NAV2: variants seen among roughly 807,000 people sequenced by gnomAD.
The protein encoded by NAV2 is helicase, APC down-regulated 1.
NAV2 carries 54 observed loss-of-function variants against 223.2 expected under a neutral mutation model. That is an observed-to-expected ratio of 0.24 (90% CI 0.19 to 0.30). NAV2 has a LOEUF of 0.30. NAV2 is among the 10% of genes least tolerant of loss of function. The pLI is 1.00. For missense variants in NAV2, 2,806 were observed against 3,147.5 expected, an observed-to-expected ratio of 0.89 and a Z score of 2.60; for synonymous variants, 1,279 against 1,239.3, an observed-to-expected ratio of 1.03 and a Z score of -0.67.
At chr11:19,777,386 G>C (rs1414199203) in intron 1 of NAV2, 2 of 436,568 alleles carry the variant, frequency 4.6e-6, no homozygotes, top group Non-Finnish European at 9.1e-6. Context: ...CCTGCCGGGC[G>C]CGCGGGCAGG....
chr11:19,884,202 C>G (rs537334532), intron 5 of NAV2: 57 of 889,718 alleles, frequency 6.4e-5, no homozygotes, highest in Non-Finnish European at 8.8e-5. Context: ...CAGCAACATC[C>G]CCATTGTCAG....
At chr11:19,622,043 A>G (rs2047014487) in intron 1 of NAV2, among the ~76,000 whole-genome samples, 1 of 152,214 alleles carries the variant, frequency 6.6e-6, no homozygotes, top group Non-Finnish European at 1.5e-5. Flanking sequence ...CAGGTTGTTT[A>G]GTTTCCATGT....
chr11:19,932,042 G>A (rs926669096), intron 6 of NAV2, among the ~76,000 whole-genome samples: 1 of 152,048 alleles, frequency 6.6e-6, no homozygotes, highest in Non-Finnish European at 1.5e-5. Context: ...CCACCTTGGT[G>A]ACTAGCTGTT....
At position 20,029,013 on chromosome 11, in the gene NAV2, A is replaced by G. The variant is rs372937967; in HGVS notation, c.2769-6946A>G. Among the ~76,000 whole-genome samples, 6 of 152,322 alleles carry G rather than the reference A, an allele frequency of 3.9e-5. No individual in the cohort carries two copies. In the East Asian group the frequency reaches 1.2e-3, roughly 29 times the overall value. On this transcript the variant is annotated intron_variant, in intron 11 of 37. Transcript: ENST00000349880. The stretch of plus-strand genomic sequence containing the variant: ...AGGGCCGCTAACTCAGGGCTACCTA[A>G]AAATAATCTGACAGGTGAAATCAGC...
chr11:19,621,336 G>A (rs1043210395), intron 1 of NAV2, among the ~76,000 whole-genome samples: 3 of 152,150 alleles, frequency 2.0e-5, no homozygotes, highest in African/African-American at 7.2e-5. Flanking sequence ...AATGGTACCA[G>A]CTCCTCCTTA....
At chr11:20,110,549 G>C (rs2062538596) in intron 36 of NAV2, among the ~76,000 whole-genome samples, 2 of 152,164 alleles carry the variant, frequency 1.3e-5, no homozygotes, top group Non-Finnish European at 2.9e-5. Context: ...ACTCAGCAGG[G>C]TATGGTGGAG....
intron 1 of NAV2, among the ~76,000 whole-genome samples, chr11:19,793,025 A>G (rs978835209): frequency 6.6e-6 from 1 of 151,924 alleles, no homozygotes; most frequent in Non-Finnish European, 1.5e-5. Flanking sequence ...CCTGGCCAAC[A>G]TGGCGAAACC....
intron 1 of NAV2, among the ~76,000 whole-genome samples, chr11:19,612,409 C>T (rs554587717): frequency 1.8e-4 from 27 of 152,214 alleles, no homozygotes; most frequent in Non-Finnish European, 3.5e-4. Context: ...TTTTCTATCA[C>T]ATAGTCAGGC....
intron 1 of NAV2, among the ~76,000 whole-genome samples, chr11:19,561,180 T>G (rs973691501): frequency 3.9e-5 from 6 of 152,192 alleles, no homozygotes; most frequent in Non-Finnish European, 7.4e-5. Context: ...AAAGACAGAA[T>G]GTGTGTTGGG....
At chr11:19,635,377 G>C (rs866840025) in intron 1 of NAV2, among the ~76,000 whole-genome samples, 1 of 152,194 alleles carries the variant, frequency 6.6e-6, no homozygotes, top group Non-Finnish European at 1.5e-5. Flanking sequence ...AGAGAGGCTA[G>C]AAGCAGTAGC....
intron 26 of NAV2, among the ~76,000 whole-genome samples, chr11:20,085,854 TC>T (rs2060403649): frequency 6.6e-6 from 1 of 152,168 alleles, no homozygotes; most frequent in Non-Finnish European, 1.5e-5. Context: ...TTATGTCGCC[TC>T]TTCCCACAGT....
intron 31 of NAV2, 76 bp from the exon 32 acceptor site, chr11:20,100,861 C>A: frequency 7.9e-7 from 1 of 1,266,924 alleles, no homozygotes; most frequent in Non-Finnish European, 1.1e-6. Context: ...CAGGTCTTGG[C>A]AGTCCCAGTT....
At chr11:19,421,764 C>CTTTTTTT (rs373669949) in intron 1 of NAV2, among the ~76,000 whole-genome samples, 27 of 84,544 alleles carry the variant, frequency 3.2e-4, no homozygotes, top group South Asian at 1.6e-3. Context: ...AAGAGAGAGG[C>CTTTTTTT]TTTTTTTTTT....
intron 3 of NAV2, among the ~76,000 whole-genome samples, chr11:19,861,934 A>G (rs1179591136): frequency 6.6e-6 from 1 of 152,200 alleles, no homozygotes; most frequent in East Asian, 1.9e-4. Flanking sequence ...GTTCAGCCAT[A>G]TGAGTATCTT....
chr11:19,635,833 G>A (rs552428893), intron 1 of NAV2, among the ~76,000 whole-genome samples: 6 of 152,298 alleles, frequency 3.9e-5, no homozygotes, highest in African/African-American at 1.4e-4. Context: ...TTCAGCATGA[G>A]TTTTGGTGGG....
rs549617779 is a variant in NAV2, at chr11:19,454,288, G to A, written c.75+103261G>A. Among the ~76,000 whole-genome samples, 22 of 152,262 alleles carry A rather than the reference G, an allele frequency of 1.4e-4. No homozygotes were observed. The South Asian group carries it at 2.5e-3, about 17-fold the overall frequency. On this transcript the variant is annotated intron_variant, in intron 1 of 37. Transcript: ENST00000360655. ...GGTGTCTGCAGAGGGAAAGCAGTCCGCCTGACCTCATAGGGTTGGGGGCCA... is the reference window on the plus strand; with the variant it reads ...GGTGTCTGCAGAGGGAAAGCAGTCCACCTGACCTCATAGGGTTGGGGGCCA...
intron 1 of NAV2, among the ~76,000 whole-genome samples, chr11:19,514,254 C>T (rs2043370139): frequency 6.6e-6 from 1 of 152,102 alleles, no homozygotes; most frequent in South Asian, 2.1e-4. Flanking sequence ...GCAGGAAAAT[C>T]TTAATGTACT....
chr11:20,078,523 A>G (rs1416164060), intron 24 of NAV2, among the ~76,000 whole-genome samples: 7 of 152,118 alleles, frequency 4.6e-5, no homozygotes, highest in Non-Finnish European at 1.0e-4. Context: ...CAGTGGTGCA[A>G]TCTTGGCTCA....
At chr11:19,475,443 G>A (rs905943451) in intron 1 of NAV2, among the ~76,000 whole-genome samples, 6 of 152,192 alleles carry the variant, frequency 3.9e-5, no homozygotes, top group African/African-American at 7.2e-5. Flanking sequence ...AAAAAAATGG[G>A]AGGCCAAGTG....
Sources: allele counts gnomAD v4.1 joint callset (sites outside exome capture counted in the v4.1 genomes callset), GRCh38; gene constraint gnomAD v4.1.1; transcripts MANE v1.5; gene names NCBI Gene and HGNC (gene_info 2026-07-23, HGNC 2026-07-21).